MEIS1: variants seen among roughly 807,000 people sequenced by gnomAD.
The protein encoded by MEIS1 is homeobox protein Meis1.
Under a neutral mutation model 50.8 loss-of-function variants are expected in MEIS1, and 5 were observed. The ratio of observed to expected loss-of-function variants is 0.10; its 90% CI spans 0.05 to 0.21. The LOEUF is 0.21. Among genes scored for constraint, MEIS1 ranks in the 10% least tolerant of loss-of-function variants. The pLI, the probability that MEIS1 is intolerant of heterozygous loss-of-function variation, is 1.00. For synonymous variants in MEIS1, 176 were observed against 179.3 expected (o/e 0.98, Z 0.15); for missense variants, 318 against 517.3 (o/e 0.61, Z 3.74).
intron 8 of MEIS1, among the ~76,000 whole-genome samples, chr2:66,542,934 T>C (rs1674690335): frequency 6.6e-6 from 1 of 152,218 alleles, no homozygotes; most frequent in Non-Finnish European, 1.5e-5. Context: ...AACTGCATTC[T>C]ACAGAGTCTG....
intron 8 of MEIS1, among the ~76,000 whole-genome samples, chr2:66,516,348 C>T (rs1673968892): frequency 6.6e-6 from 1 of 152,126 alleles, no homozygotes; most frequent in Non-Finnish European, 1.5e-5. Context: ...CAATATCCAG[C>T]ATTGACCAGT....
At chr2:66,457,220 GA>G (rs1672412948) in intron 6 of MEIS1, among the ~76,000 whole-genome samples, 1 of 144,332 alleles carries the variant, frequency 6.9e-6, no homozygotes, top group South Asian at 2.2e-4. Flanking sequence ...ACCTGAATTT[GA>G]AATTGAGTAG....
intron 7 of MEIS1, among the ~76,000 whole-genome samples, chr2:66,496,531 G>C (rs1461614464): frequency 6.6e-6 from 1 of 152,202 alleles, no homozygotes. Context: ...CAGAATTTCA[G>C]ATTCCTGACG....
chr2:66,548,077 GC>G, intron 9 of MEIS1, 58 bp downstream of exon 9: 1 of 1,554,566 alleles, frequency 6.4e-7, no homozygotes, highest in Non-Finnish European at 8.8e-7. Flanking sequence ...GCAACCTGCA[GC>G]TCATGTTTTG....
intron 7 of MEIS1, among the ~76,000 whole-genome samples, chr2:66,489,710 C>T (rs1357011298): frequency 6.6e-6 from 1 of 152,056 alleles, no homozygotes; most frequent in African/African-American, 2.4e-5. Context: ...TATTCAAGTG[C>T]AAAATATTCC....
intron 12 of MEIS1, 164 bp downstream of exon 12, chr2:66,569,309 T>C: frequency 1.7e-6 from 1 of 586,140 alleles, no homozygotes; most frequent in Non-Finnish European, 3.0e-6. Flanking sequence ...GATCAAGCTT[T>C]TAAGCTTATA....
intron 9 of MEIS1, among the ~76,000 whole-genome samples, chr2:66,556,469 T>G (rs2103950254): frequency 6.7e-6 from 1 of 148,284 alleles, no homozygotes; most frequent in Non-Finnish European, 1.5e-5. Flanking sequence ...TGGTGAGATC[T>G]GGCTTAATAT....
In MEIS1 at chr2:66,554,260, G is replaced by A. The variant is rs1674996885; in HGVS notation, c.965+6241G>A. On this transcript the variant is annotated intron_variant, in intron 9 of 12. Coordinates refer to ENST00000272369, the MANE Select transcript of MEIS1 (RefSeq NM_002398.3). ...ACAACGGAGGTTGACTTTGAACATG[G>A]TATGCAGGTCAGCACAACTTGTTGC... is the stretch of plus-strand genomic sequence containing the variant. 2.6e-5 allele frequency among the ~76,000 whole-genome samples: 4 copies of A among 152,212 alleles called. No homozygotes were observed. The South Asian group carries it at 8.3e-4, about 31-fold the overall frequency.
At chr2:66,518,676 C>T (rs1042967490) in intron 8 of MEIS1, among the ~76,000 whole-genome samples, 1 of 152,004 alleles carries the variant, frequency 6.6e-6, no homozygotes, top group African/African-American at 2.4e-5. Flanking sequence ...TTTATCTTTC[C>T]GATTAAAATT....
At chr2:66,497,985 G>T (rs1673450248) in intron 7 of MEIS1, among the ~76,000 whole-genome samples, 1 of 151,248 alleles carries the variant, frequency 6.6e-6, no homozygotes, top group South Asian at 2.1e-4. Context: ...GGCTTTTTTT[G>T]GGGGGCTGTG....
intron 8 of MEIS1, among the ~76,000 whole-genome samples, chr2:66,526,629 A>C (rs941799508): frequency 6.6e-6 from 1 of 152,214 alleles, no homozygotes; most frequent in African/African-American, 2.4e-5. Context: ...GGCATTGTAG[A>C]CTACTCTTTG....
At chr2:66,518,511 T>C (rs1360196363) in intron 8 of MEIS1, among the ~76,000 whole-genome samples, 1 of 152,254 alleles carries the variant, frequency 6.6e-6, no homozygotes, top group Non-Finnish European at 1.5e-5. Flanking sequence ...CTTTTTACAA[T>C]TTGTTAGGTT....
chr2:66,518,051 G>A (rs1289666506), intron 8 of MEIS1, among the ~76,000 whole-genome samples: 1 of 152,158 alleles, frequency 6.6e-6, no homozygotes, highest in Non-Finnish European at 1.5e-5. Context: ...CTTTCTCCCA[G>A]CCTTCTCTGT....
chr2:66,443,084 A>G, intron 6 of MEIS1, 36 bp downstream of exon 6: 1 of 1,556,278 alleles, frequency 6.4e-7, no homozygotes, highest in Non-Finnish European at 8.6e-7. Flanking sequence ...CCTGGGAAAA[A>G]AAAAAATCTG....
chr2:66,511,080 C>T (rs559745051), intron 7 of MEIS1, among the ~76,000 whole-genome samples: 10 of 152,152 alleles, frequency 6.6e-5, no homozygotes, highest in Admixed American at 1.3e-4. Context: ...ATCAACCTGT[C>T]GGTTTCTAAG....
At chr2:66,437,049 T>C in intron 1 of MEIS1, 1 of 759,548 alleles carries the variant, frequency 1.3e-6, no homozygotes, top group Non-Finnish European at 1.6e-6. Flanking sequence ...TCTTTAACTT[T>C]GGGGGTGGGG....
At chr2:66,554,211 C>A (rs575429645) in intron 9 of MEIS1, among the ~76,000 whole-genome samples, 3 of 152,332 alleles carry the variant, frequency 2.0e-5, no homozygotes, top group East Asian at 1.9e-4. Flanking sequence ...ATCCATGATT[C>A]ATTTCAAGGC....
chr2:66,443,116 C>A, intron 6 of MEIS1, 68 bp downstream of exon 6: 1 of 1,476,424 alleles, frequency 6.8e-7, no homozygotes, highest in South Asian at 1.3e-5. Flanking sequence ...CTTGCTGGGT[C>A]ACTACCACCT....
intron 6 of MEIS1, among the ~76,000 whole-genome samples, chr2:66,457,887 TA>T (rs1480761638): frequency 1.3e-5 from 2 of 152,194 alleles, no homozygotes; most frequent in African/African-American, 2.4e-5. Flanking sequence ...CTGGAGATAA[TA>T]AATTGTTCAC....
Sources: gnomAD v4.1 joint callset for allele counts (sites outside exome capture counted in the v4.1 genomes callset) on GRCh38, gnomAD v4.1.1 for gene constraint, MANE v1.5 for transcripts, NCBI Gene and HGNC (gene_info 2026-07-23, HGNC 2026-07-21) for gene names.